ADAMTSL1: variants seen among roughly 807,000 people sequenced by gnomAD.
The protein encoded by ADAMTSL1 is ADAMTS-like protein 1.
ADAMTSL1 carries 126 observed loss-of-function variants against 201.8 expected under a neutral mutation model. The ratio of observed to expected loss-of-function variants is 0.62; its 90% CI spans 0.54 to 0.72. The LOEUF (loss-of-function observed/expected upper bound fraction) is 0.72, where lower values mean the gene tolerates loss of function less well. Ranked by LOEUF, ADAMTSL1 falls within the 30% of genes least tolerant of loss-of-function variation. The probability of loss-of-function intolerance (pLI) is 0.00; values close to 1 mark genes in which losing one functional copy is unlikely to be tolerated. For missense variants in ADAMTSL1, 2,679 were observed against 2,277.8 expected, an observed-to-expected ratio of 1.18 and a Z score of -3.59; for synonymous variants, 1,121 against 903.4, an observed-to-expected ratio of 1.24 and a Z score of -4.32.
intron 2 of ADAMTSL1, among the ~76,000 whole-genome samples, chr9:18,228,077 T>C (rs1371836365): frequency 6.6e-6 from 1 of 152,208 alleles, no homozygotes; most frequent in Non-Finnish European, 1.5e-5. Context: ...ATAGCCACGT[T>C]CCACCTAAAT....
At chr9:18,054,924 A>G (rs911342145) in intron 1 of ADAMTSL1, among the ~76,000 whole-genome samples, 1 of 152,042 alleles carries the variant, frequency 6.6e-6, no homozygotes, top group South Asian at 2.1e-4. Flanking sequence ...TGGTCCAACT[A>G]TTTATTTGGA....
chr9:18,512,045 A>ACC (rs1818065087), intron 2 of ADAMTSL1, among the ~76,000 whole-genome samples: 1 of 152,210 alleles, frequency 6.6e-6, no homozygotes, highest in Non-Finnish European at 1.5e-5. Flanking sequence ...AGAAAGATAT[A>ACC]CAAGTTCAGA....
At chr9:18,110,611 G>C (rs1824964167) in intron 1 of ADAMTSL1, among the ~76,000 whole-genome samples, 1 of 152,140 alleles carries the variant, frequency 6.6e-6, no homozygotes, top group Non-Finnish European at 1.5e-5. Flanking sequence ...AGAAATACCT[G>C]TGTAATGGAA....
chr9:17,944,073 C>G lies in ADAMTSL1; in HGVS notation c.87+37151C>G, dbSNP rs561653135. 2.0e-5 allele frequency among the ~76,000 whole-genome samples: 3 copies of G among 152,046 alleles called. No homozygotes were observed. The South Asian group carries it at 6.3e-4, about 32-fold the overall frequency. On this transcript the variant is annotated intron_variant, in intron 1 of 29. Transcript: ENST00000680146. ...AAACACCTCCCACCGAGCCCCACCT[C>G]CAGCACTGGGAATTACAATTCAACA...
chr9:18,177,432 A>G (rs1828218839), intron 2 of ADAMTSL1, among the ~76,000 whole-genome samples: 1 of 152,182 alleles, frequency 6.6e-6, no homozygotes, highest in South Asian at 2.1e-4. Flanking sequence ...TATTAAGTCC[A>G]CCGTATGTGC....
intron 1 of ADAMTSL1, among the ~76,000 whole-genome samples, chr9:18,035,988 G>A (rs1821179016): frequency 6.6e-6 from 1 of 152,100 alleles, no homozygotes; most frequent in Admixed American, 6.6e-5. Flanking sequence ...AGCCAAGAAA[G>A]CCTACACCAA....
At chr9:18,439,658 C>G (rs1282483687) in intron 2 of ADAMTSL1, among the ~76,000 whole-genome samples, 2 of 152,170 alleles carry the variant, frequency 1.3e-5, no homozygotes, top group African/African-American at 4.8e-5. Flanking sequence ...AGCCACTGCT[C>G]CTGGCTTATA....
At chr9:18,144,291 C>T (rs547157686) in intron 1 of ADAMTSL1, among the ~76,000 whole-genome samples, 2 of 152,208 alleles carry the variant, frequency 1.3e-5, no homozygotes, top group East Asian at 3.9e-4. Context: ...ACTGCAACCT[C>T]TGCCTCCTGG....
At chr9:18,855,670 G>A (rs571425465) in intron 23 of ADAMTSL1, among the ~76,000 whole-genome samples, 1 of 152,246 alleles carries the variant, frequency 6.6e-6, no homozygotes, top group East Asian at 1.9e-4. Flanking sequence ...ATTCTATCAG[G>A]AATCTTTTTA....
At chr9:18,301,912 T>C (rs1193536489) in intron 2 of ADAMTSL1, among the ~76,000 whole-genome samples, 8 of 152,212 alleles carry the variant, frequency 5.3e-5, no homozygotes, top group Non-Finnish European at 1.0e-4. Context: ...ATTATTTGAA[T>C]TTTAACTGCT....
chr9:18,755,755 G>A (rs749343498), intron 16 of ADAMTSL1, among the ~76,000 whole-genome samples: 2 of 151,930 alleles, frequency 1.3e-5, no homozygotes, highest in Non-Finnish European at 2.9e-5. Context: ...AATTTACTTT[G>A]AAAGCTTTTC....
intron 2 of ADAMTSL1, among the ~76,000 whole-genome samples, chr9:18,424,476 G>A (rs1563951686): frequency 6.6e-6 from 1 of 152,044 alleles, no homozygotes; most frequent in African/African-American, 2.4e-5. Context: ...AACATAATAA[G>A]TGCACAAAAA....
chr9:18,485,600 G>A (rs1821950540), intron 1 of ADAMTSL1, among the ~76,000 whole-genome samples: 1 of 152,216 alleles, frequency 6.6e-6, no homozygotes, highest in South Asian at 2.1e-4. Flanking sequence ...CCCAGGCACT[G>A]TCCTAGTAGA....
intron 2 of ADAMTSL1, among the ~76,000 whole-genome samples, chr9:18,276,512 G>T (rs1014299461): frequency 1.3e-5 from 2 of 152,150 alleles, no homozygotes; most frequent in Non-Finnish European, 2.9e-5. Context: ...TAACATGTGT[G>T]TTATTCCATT....
At chr9:18,699,333 T>C (rs529463554) in intron 13 of ADAMTSL1, among the ~76,000 whole-genome samples, 41 of 150,730 alleles carry the variant, frequency 2.7e-4, no homozygotes, top group Non-Finnish European at 4.4e-4. Context: ...TTTTTTTTTT[T>C]TTTTTTTGAG....
At chr9:18,859,635 T>C (rs1267829492) in intron 23 of ADAMTSL1, among the ~76,000 whole-genome samples, 1 of 152,208 alleles carries the variant, frequency 6.6e-6, no homozygotes, top group Non-Finnish European at 1.5e-5. Context: ...TTTAGCAATG[T>C]ATATCAGTAT....
At chr9:18,376,555 A>T (rs757404882) in intron 2 of ADAMTSL1, among the ~76,000 whole-genome samples, 8 of 152,238 alleles carry the variant, frequency 5.3e-5, no homozygotes, top group African/African-American at 9.6e-5. Context: ...CTGTAATCCT[A>T]GCACTTTGGG....
At chr9:18,728,231 A>G (rs1818014774) in intron 15 of ADAMTSL1, among the ~76,000 whole-genome samples, 1 of 152,202 alleles carries the variant, frequency 6.6e-6, no homozygotes, top group South Asian at 2.1e-4. Context: ...GAAAGCATAT[A>G]TGATATGACT....
intron 1 of ADAMTSL1, among the ~76,000 whole-genome samples, chr9:17,931,514 A>G (rs35183350): frequency 0.1 from 15,338 of 152,218 alleles, 843 homozygotes; most frequent in South Asian, 0.21. Context: ...AAAAATGTAC[A>G]TTTAAACTCT....
Sources: gnomAD v4.1 joint callset for allele counts (sites outside exome capture counted in the v4.1 genomes callset) on GRCh38, gnomAD v4.1.1 for gene constraint, MANE v1.5 for transcripts, NCBI Gene and HGNC (gene_info 2026-07-23, HGNC 2026-07-21) for gene names.